The following FBN1 variants were observed in gnomAD, a reference collection of about 807,000 sequenced individuals.
FBN1 encodes the protein fibrillin 1.
FBN1 carries 29 observed loss-of-function variants against 365.1 expected under a neutral mutation model. The ratio of observed to expected loss-of-function variants is 0.08; its 90% CI spans 0.06 to 0.11. FBN1 has a LOEUF of 0.11. FBN1 is among the 10% of genes least tolerant of loss of function. The pLI is 1.00. For missense variants in FBN1, 2,476 were observed against 3,703.2 expected (o/e 0.67, Z 8.60); for synonymous variants, 1,210 against 1,270.5 (o/e 0.95, Z 1.01).
At chr15:48,474,090 T>C (rs1467437303) in intron 34 of FBN1, among the ~76,000 whole-genome samples, 165 bp downstream of exon 34, 1 of 152,176 alleles carries the variant, frequency 6.6e-6, no homozygotes, top group Non-Finnish European at 1.5e-5. Flanking sequence ...GTCTCCCTAA[T>C]TGACCTGGTT....
chr15:48,608,686 C>T (rs1470129081), intron 4 of FBN1, among the ~76,000 whole-genome samples: 3 of 152,288 alleles, frequency 2.0e-5, no homozygotes, highest in South Asian at 4.1e-4. Flanking sequence ...CTTTGTCTAA[C>T]GTCCAGGTAC....
At chr15:48,472,478 AGC>A in intron 35 of FBN1, 71 bp downstream of exon 35, 9 of 1,448,240 alleles carry the variant, frequency 6.2e-6, no homozygotes, top group African/African-American at 4.3e-5. Context: ...AAAAAAAAAA[AGC>A]ATCAGGAATG....
chr15:48,476,178 G>A (rs1057106845), intron 32 of FBN1, among the ~76,000 whole-genome samples: 11 of 152,180 alleles, frequency 7.2e-5, no homozygotes, highest in African/African-American at 2.7e-4. Flanking sequence ...TTCCATACCT[G>A]ACCTAACAGA....
intron 2 of FBN1, chr15:48,642,727 A>G (rs1890221726): frequency 6.6e-6 from 1 of 152,034 alleles, no homozygotes. Flanking sequence ...AAAATCTTAT[A>G]ATTAACATGA....
chr15:48,442,889 A>G (rs1329909815), intron 49 of FBN1, among the ~76,000 whole-genome samples: 1 of 152,180 alleles, frequency 6.6e-6, no homozygotes, highest in African/African-American at 2.4e-5. Context: ...TTTTTCAACA[A>G]AACACAAAAT....
Position 48,425,801 on chromosome 15 carries a change from C to A in FBN1, c.7268G>T (p.Gly2423Val). The part of the protein sequence containing the change: ...CRNGECVNDR[G>V]SYHCICKTGY... ...AGTTTTACAAATGCAATGATATGAT[C>A]CTCTGTCATTGACACATTCCCCATT... Residue 2423 changes from glycine to valine, a missense_variant, in exon 59 of 66, where the codon GGA becomes GTA. By Grantham distance (109) the Gly-to-Val change is moderately radical. Around this residue, in one of 5 missense-constraint regions of FBN1, gnomAD observed 1,780 missense variants for 2,840.8 expected, o/e 0.63. Coordinates refer to ENST00000316623, the MANE Select transcript of FBN1 (RefSeq NM_000138.5). The A allele has an allele frequency of 6.2e-7, 1 of 1,609,166 alleles. No individual in the cohort carries two copies. Among genetic ancestry groups the A allele is most frequent in the Non-Finnish European group, 8.5e-7 (1 of 1,175,594 alleles).
At chr15:48,568,698 G>A (rs963500361) in intron 6 of FBN1, among the ~76,000 whole-genome samples, 4 of 152,000 alleles carry the variant, frequency 2.6e-5, no homozygotes, top group South Asian at 2.1e-4. Flanking sequence ...TTCTGGTTAC[G>A]GCTAACTGAT....
chr15:48,495,555 T>C lies in FBN1; in HGVS notation c.2453A>G (p.Asn818Ser). 6.2e-7 allele frequency: 1 copy of C among 1,614,082 alleles called. No homozygotes were observed. The highest frequency in any genetic ancestry group is 8.5e-7 in the Non-Finnish European group (1 of 1,179,988). ...IDECESSPCINGVCKNSPGSF... is the reference protein window; with the variant it reads ...IDECESSPCISGVCKNSPGSF... The stretch of plus-strand genomic sequence containing the variant: ...GCCTGGGCTGTTCTTGCAGACTCCA[T>C]TAATGCAAGGACTTGATTCGCATTC... The change falls in exon 21 of 66, where the codon AAT becomes AGT. Residue 818 changes from asparagine to serine, a missense_variant. Around this residue, in one of 5 missense-constraint regions of FBN1, gnomAD observed 1,780 missense variants for 2,840.8 expected, o/e 0.63. Coordinates refer to ENST00000316623, the MANE Select transcript of FBN1 (RefSeq NM_000138.5).
intron 2 of FBN1, among the ~76,000 whole-genome samples, chr15:48,638,577 T>C (rs1229231088): frequency 6.6e-6 from 1 of 150,970 alleles, no homozygotes; most frequent in Non-Finnish European, 1.5e-5. Context: ...TTTAAAGGAA[T>C]TAGTATTTGC....
At chr15:48,567,047 A>T (rs184429480) in intron 6 of FBN1, among the ~76,000 whole-genome samples, 105 of 152,260 alleles carry the variant, frequency 6.9e-4, no homozygotes, top group Middle Eastern at 3.4e-3. Flanking sequence ...GCTCTTGAAC[A>T]GGATCCCCAG....
chr15:48,582,779 G>A (rs960226430), intron 6 of FBN1, among the ~76,000 whole-genome samples: 3 of 152,144 alleles, frequency 2.0e-5, no homozygotes, highest in African/African-American at 4.8e-5. Context: ...TAACGTTTCT[G>A]GGGGAAAGCT....
At chr15:48,641,376 A>C (rs1373720118) in intron 2 of FBN1, 1 of 152,168 alleles carries the variant, frequency 6.6e-6, no homozygotes, top group Non-Finnish European at 1.5e-5. Flanking sequence ...CAGTGAGCAG[A>C]AAATGAGGCA....
intron 34 of FBN1, 46 bp from the exon 35 acceptor site, chr15:48,472,722 T>C (rs1447868259): frequency 2.5e-6 from 4 of 1,613,826 alleles, no homozygotes; most frequent in Non-Finnish European, 3.4e-6. Flanking sequence ...GGTTAGGGGC[T>C]TTCTAATTCC....
chr15:48,568,049 G>GAAAGAAAGAAAGAAAGAAGAAAGAAAGA, intron 6 of FBN1, among the ~76,000 whole-genome samples: 153 of 40,042 alleles, frequency 3.8e-3, no homozygotes, highest in African/African-American at 0.012. Context: ...AAGAAAGAAA[G>GAAAGAAAGAAAGAAAGAAGAAAGAAAGA]AAGAAAGAAA....
chr15:48,524,513 G>A (rs1323918410), intron 9 of FBN1, among the ~76,000 whole-genome samples: 2 of 152,196 alleles, frequency 1.3e-5, no homozygotes, highest in Non-Finnish European at 2.9e-5. Flanking sequence ...AGCACCAGAA[G>A]GCAGAAAGGT....
intron 2 of FBN1, chr15:48,643,168 C>A (rs1890230235): frequency 6.6e-6 from 1 of 152,174 alleles, no homozygotes. Flanking sequence ...AAATACTGGA[C>A]TAAATGAGGT....
intron 5 of FBN1, among the ~76,000 whole-genome samples, chr15:48,599,538 CAA>C (rs558669331): frequency 7.3e-6 from 1 of 137,588 alleles, no homozygotes. Context: ...CTTAAAGTAA[CAA>C]AAAAAAAAAA....
chr15:48,498,897 T>C (rs749283659), intron 18 of FBN1, 88 bp downstream of exon 18: 5 of 1,255,174 alleles, frequency 4.0e-6, no homozygotes, highest in South Asian at 1.2e-5. Context: ...GCCAGACTAG[T>C]GTAAAGGGAT....
At chr15:48,539,802 T>A (rs997546585) in intron 6 of FBN1, among the ~76,000 whole-genome samples, 9 of 152,146 alleles carry the variant, frequency 5.9e-5, no homozygotes, top group Non-Finnish European at 1.0e-4. Flanking sequence ...TTGTCTTTTT[T>A]TTTTTACTTT....
Sources: allele counts gnomAD v4.1 joint callset (sites outside exome capture counted in the v4.1 genomes callset), GRCh38; gene constraint gnomAD v4.1.1; regional missense constraint gnomAD v4.1.1; transcripts MANE v1.5; gene names NCBI Gene and HGNC (gene_info 2026-07-23, HGNC 2026-07-21).